The following TMEM8B variants were observed in gnomAD, a reference collection of about 807,000 sequenced individuals.
TMEM8B encodes nasopharyngeal carcinoma expressed 6.
In TMEM8B, 29 loss-of-function variants were observed where a neutral mutation model predicts 49.3. The ratio of observed to expected loss-of-function variants is 0.59; its 90% CI spans 0.44 to 0.80. The LOEUF (loss-of-function observed/expected upper bound fraction) is 0.80, where lower values mean the gene tolerates loss of function less well. TMEM8B is among the 30% of genes least tolerant of loss of function. The probability of loss-of-function intolerance (pLI) is 0.00; values close to 1 mark genes in which losing one functional copy is unlikely to be tolerated. For missense variants in TMEM8B, 575 were observed against 658.5 expected (o/e 0.87, Z 1.39); for synonymous variants, 264 against 272.8 (o/e 0.97, Z 0.32).
Position 35,846,467 on chromosome 9 carries a change from A to G in TMEM8B, c.1854-2A>G. ...CCCAGGTGACTGCGAGTTTGTGCGC[A>G]GGTTCGTGCGGTGCCGCAACGCGAC... On this transcript the variant is annotated splice_acceptor_variant, in intron 8 of 12. Coordinates refer to ENST00000643932, the MANE Select transcript of TMEM8B (RefSeq NM_001042590.4). LOFTEE classifies it high-confidence loss of function. 6.3e-7 allele frequency: 1 copy of G among 1,598,896 alleles called. No homozygotes were observed. The highest frequency in any genetic ancestry group is 8.5e-7 in the Non-Finnish European group (1 of 1,172,544).
Position 35,834,871 on chromosome 9 carries a change from A to G in TMEM8B, c.699-140A>G, listed in dbSNP as rs969414420. 7 of 413,258 alleles carry G rather than the reference A, an allele frequency of 1.7e-5. No individual in the cohort carries two copies. The East Asian group carries it at 1.8e-4, about 11-fold the overall frequency. The allele number at this position is 413,258 out of a possible 1,614,324, so 25.6% of individuals were successfully genotyped here. A position where few individuals can be genotyped will look rare whatever the true frequency, so the allele number is the denominator to read the frequency against. On this transcript the variant is annotated intron_variant, in intron 2 of 12. Coordinates refer to ENST00000643932, the MANE Select transcript of TMEM8B (RefSeq NM_001042590.4). Reference sequence around the variant, plus strand: ...CTCTCACCTGTGGCCCCTGACCTGGAACCACTTTGTTGAATGTGTCAGTAT... The same window carrying G: ...CTCTCACCTGTGGCCCCTGACCTGGGACCACTTTGTTGAATGTGTCAGTAT...
chr9:35,841,085 C>T lies in TMEM8B; in HGVS notation c.907-49C>T. ...CAGGTTCTGTTTGCCTTGGTTTAGT[C>T]ACACCCCTGCTGTCTCTCCCTCTCC... is the stretch of plus-strand genomic sequence containing the variant. On this transcript the variant is annotated intron_variant, in intron 3 of 12. Transcript: ENST00000643932. The surrounding 1 kb of genome is among the most constrained non-coding windows in gnomAD (Gnocchi z 5.9). 2.4e-6 allele frequency: 1 copy of T among 414,760 alleles called. No individual in the cohort carries two copies. The allele number at this position is 414,760 out of a possible 1,614,324, so 25.7% of individuals were successfully genotyped here. A position where few individuals can be genotyped will look rare whatever the true frequency, so the allele number is the denominator to read the frequency against.
At chr9:35,852,411 G>A (rs557920101) in intron 10 of TMEM8B, among the ~76,000 whole-genome samples, 19 of 152,146 alleles carry the variant, frequency 1.2e-4, no homozygotes, top group Non-Finnish European at 2.5e-4. Flanking sequence ...GGGGAAACTG[G>A]GACATAGTGG....
rs1351119217 is a variant in TMEM8B, at chr9:35,861,720, C to A, written c.*7880C>A. ...GGGATGCTATGTAGCTCAGAGGAAA[C>A]ATACACCTGAAGGTGCTGCCCCGGG... On this transcript the variant is annotated 3_prime_UTR_variant, in exon 13 of 13. Coordinates refer to ENST00000643932, the MANE Select transcript of TMEM8B (RefSeq NM_001042590.4). 1 of 152,302 alleles carries A rather than the reference C, an allele frequency of 6.6e-6. No homozygotes were observed. Among genetic ancestry groups the A allele is most frequent in the Non-Finnish European group, 1.5e-5 (1 of 68,088 alleles). 9.4% of individuals were successfully genotyped at this position (152,302 alleles called of 1,614,324 possible).
rs573908438 is a variant in TMEM8B, at chr9:35,846,876, C to T, written c.2056C>T (p.Leu686=). 12 of 1,614,252 alleles carry T rather than the reference C, an allele frequency of 7.4e-6. No individual in the cohort carries two copies. The Admixed American group carries it at 1.0e-4, about 13-fold the overall frequency. The part of the protein sequence containing the change: ...ADALTYGFQL[L]STLLLCLSNL... ...TGCGCTCACCTATGGATTCCAGCTG[C>T]TGTCCACACTCCTGCTCTGCCTGAG... Residue 686 remains leucine, a synonymous_variant, in exon 10 of 13, where the codon CTG becomes TTG. Transcript: ENST00000643932.
Position 35,859,172 on chromosome 9 carries a change from G to A in TMEM8B, c.*5332G>A, listed in dbSNP as rs1430139854. The A allele has an allele frequency of 1.9e-5, 3 of 154,452 alleles. No individual in the cohort carries two copies. Among genetic ancestry groups the A allele is most frequent in the African/African-American group, 4.8e-5 (2 of 41,592 alleles). The allele number at this position is 154,452 out of a possible 1,614,324, so 9.6% of individuals were successfully genotyped here. On this transcript the variant is annotated 3_prime_UTR_variant, in exon 13 of 13. Transcript: ENST00000643932. ...GCGTCACAACCCCGTAGAACAATGCGACAGTCTTATCCACGTTGGGATCCT... is the reference window on the plus strand; with the variant it reads ...GCGTCACAACCCCGTAGAACAATGCAACAGTCTTATCCACGTTGGGATCCT...
Position 35,853,587 on chromosome 9 carries a change from T to C in TMEM8B, c.2522T>C (p.Ile841Thr), listed in dbSNP as rs1028658644. 4.3e-6 allele frequency: 7 copies of C among 1,614,140 alleles called. No homozygotes were observed. The African/African-American group carries it at 5.3e-5, about 12-fold the overall frequency. Residue 841 changes from isoleucine to threonine, a missense_variant, in exon 13 of 13, where the codon ATT becomes ACT. Coordinates refer to ENST00000643932, the MANE Select transcript of TMEM8B (RefSeq NM_001042590.4). The surrounding 1 kb of genome is among the most constrained non-coding windows in gnomAD (Gnocchi z 4.2). Reference sequence around the variant, plus strand: ...TTCTACTTGTGCCCTGGCAGCCTTATTGCAGGCAGTGCCGTCCTGCTTTAT... The same window carrying C: ...TTCTACTTGTGCCCTGGCAGCCTTACTGCAGGCAGTGCCGTCCTGCTTTAT... ...WLFYLCPGSLIAGSAVLLYAF... is the reference protein window; with the variant it reads ...WLFYLCPGSLTAGSAVLLYAF...
In TMEM8B at chr9:35,864,245, T is replaced by G. The variant is rs1203325153; in HGVS notation, c.*10405T>G. 6.6e-6 allele frequency: 1 copy of G among 152,256 alleles called. No homozygotes were observed. Among genetic ancestry groups the G allele is most frequent in the South Asian group, 2.1e-4 (1 of 4,836 alleles). 9.4% of individuals were successfully genotyped at this position (152,256 alleles called of 1,614,324 possible). A position where few individuals can be genotyped will look rare whatever the true frequency, so the allele number is the denominator to read the frequency against. On this transcript the variant is annotated 3_prime_UTR_variant, in exon 13 of 13. Coordinates refer to ENST00000643932, the MANE Select transcript of TMEM8B (RefSeq NM_001042590.4). Reference sequence around the variant, plus strand: ...TAGCAACTTCCAACCTGAGGTCTGATAGACCCAGGGTTACTTTGCAAGCTA... The same window carrying G: ...TAGCAACTTCCAACCTGAGGTCTGAGAGACCCAGGGTTACTTTGCAAGCTA...
At position 35,855,399 on chromosome 9, in the gene TMEM8B, C is replaced by G. The variant is rs1832486200; in HGVS notation, c.*1559C>G. ...CCTTACTTAATGTTTTCTCCTGAAT[C>G]TTTTTTTTTTTGAGACGGAGTTTTG... On this transcript the variant is annotated 3_prime_UTR_variant, in exon 13 of 13. Coordinates refer to ENST00000643932, the MANE Select transcript of TMEM8B (RefSeq NM_001042590.4). 1 of 147,442 alleles carries G rather than the reference C, an allele frequency of 6.8e-6. No homozygotes were observed. The highest frequency in any genetic ancestry group is 1.5e-5 in the Non-Finnish European group (1 of 66,404). 9.1% of individuals were successfully genotyped at this position (147,442 alleles called of 1,614,324 possible).
chr9:35,837,715 A>G (rs1830574079), intron 3 of TMEM8B, among the ~76,000 whole-genome samples: 1 of 152,218 alleles, frequency 6.6e-6, no homozygotes, highest in Non-Finnish European at 1.5e-5. Context: ...CCTAGCCTCC[A>G]GTGCAGAGTC....
rs1032261763 is a variant in TMEM8B at position 35,846,372 on chromosome 9, TG to T, written c.1848del (p.Pro617LeufsTer77). The stretch of plus-strand genomic sequence containing the variant: ...CTGGCCCTCCGCTCCCTGTGCGGGG[TG>T]GGGCCTCGGTGAGCGGTGCGGGGCG... ...WFLALRSLCG[V>X]GPRFVRCRNA... On this transcript the variant is annotated frameshift_variant, in exon 8 of 13. Transcript: ENST00000643932. LOFTEE classifies it high-confidence loss of function. 1.2e-6 allele frequency: 2 copies of T among 1,612,798 alleles called. No homozygotes were observed. The highest frequency in any genetic ancestry group is 1.3e-5 in the African/African-American group (1 of 74,876).
rs996518900 is a variant in TMEM8B, at chr9:35,846,570, G to A, written c.1955G>A (p.Arg652His). 9 of 1,572,978 alleles carry A rather than the reference G, an allele frequency of 5.7e-6. No homozygotes were observed. The highest frequency in any genetic ancestry group is 7.8e-6 in the Non-Finnish European group (9 of 1,159,098). ...CGPYGQCKLL[R>H]THNYLYAACE... is the part of the protein sequence containing the mutation. Reference sequence around the variant, plus strand: ...CCCTACGGCCAGTGCAAGCTGCTGCGCACACACAATTATCTGTACGCAGCC... The same window carrying A: ...CCCTACGGCCAGTGCAAGCTGCTGCACACACACAATTATCTGTACGCAGCC... The change falls in exon 9 of 13, where the codon CGC becomes CAC. Residue 652 changes from arginine to histidine, a missense_variant. By Grantham distance (29) the Arg-to-His change is conservative. Coordinates refer to ENST00000643932, the MANE Select transcript of TMEM8B (RefSeq NM_001042590.4).
chr9:35,837,450 T>G (rs1416690383), intron 3 of TMEM8B, among the ~76,000 whole-genome samples: 1 of 152,032 alleles, frequency 6.6e-6, no homozygotes, highest in African/African-American at 2.4e-5. Context: ...TTCCAGGTGG[T>G]GGGAGTAGCA....
At chr9:35,834,176 G>T (rs1429511145) in intron 1 of TMEM8B, among the ~76,000 whole-genome samples, 7 of 152,220 alleles carry the variant, frequency 4.6e-5, no homozygotes, top group South Asian at 4.1e-4. Flanking sequence ...TTTAGAGAGA[G>T]CTAGGTTTGC....
rs759740630 is a variant in TMEM8B at position 35,858,866 on chromosome 9, T to G, written c.*5026T>G. ...GTTCCCAATGGTAGCTGTTTTGTCA[T>G]CCTGAGTCCCAGAGGGGTGAAGACC... On this transcript the variant is annotated 3_prime_UTR_variant, in exon 13 of 13. Coordinates refer to ENST00000643932, the MANE Select transcript of TMEM8B (RefSeq NM_001042590.4). 6.6e-6 allele frequency: 1 copy of G among 152,368 alleles called. No homozygotes were observed. The highest frequency in any genetic ancestry group is 3.4e-3 in the Middle Eastern group (1 of 294). 9.4% of individuals were successfully genotyped at this position (152,368 alleles called of 1,614,324 possible). A position where few individuals can be genotyped will look rare whatever the true frequency, so the allele number is the denominator to read the frequency against.
At chr9:35,846,407 G>T (rs1036185694) in intron 8 of TMEM8B, 26 bp downstream of exon 8, 4 of 1,604,472 alleles carry the variant, frequency 2.5e-6, no homozygotes, top group African/African-American at 2.7e-5. Context: ...CGGGGCCAGG[G>T]CTGGGACCGG....
rs1448198940 is a variant in TMEM8B at position 35,857,670 on chromosome 9, AG to A, written c.*3832del. On this transcript the variant is annotated 3_prime_UTR_variant, in exon 13 of 13. Transcript: ENST00000643932. ...GATCAGAAGAGTGATGAATCAATCC[AG>A]GTTTGACCAAAGTAACAGAACCACT... 6.6e-6 allele frequency: 1 copy of A among 152,254 alleles called. No homozygotes were observed. The highest frequency in any genetic ancestry group is 2.4e-5 in the African/African-American group (1 of 41,452). 9.4% of individuals were successfully genotyped at this position (152,254 alleles called of 1,614,324 possible).
Position 35,842,785 on chromosome 9 carries a change from T to C in TMEM8B, c.1635+68T>C. 1.3e-6 allele frequency: 2 copies of C among 1,492,028 alleles called. No individual in the cohort carries two copies. The highest frequency in any genetic ancestry group is 1.8e-6 in the Non-Finnish European group (2 of 1,116,114). The allele number at this position is 1,492,028 out of a possible 1,614,324, so 92.4% of individuals were successfully genotyped here. A position where few individuals can be genotyped will look rare whatever the true frequency, so the allele number is the denominator to read the frequency against. On this transcript the variant is annotated intron_variant, in intron 6 of 12. Transcript: ENST00000643932. This position sits in a 1 kb window ranked among gnomAD's most constrained non-coding sequence, Gnocchi z 5.6. ...TTGAAGGGGAAGGTGTCAGGGGTGT[T>C]GGGGTGTTTACCTCCTCCAGGAAGC...
At position 35,859,326 on chromosome 9, in the gene TMEM8B, A is replaced by G. The variant is rs912673591; in HGVS notation, c.*5486A>G. On this transcript the variant is annotated 3_prime_UTR_variant, in exon 13 of 13. Coordinates refer to ENST00000643932, the MANE Select transcript of TMEM8B (RefSeq NM_001042590.4). ...AGAGGGTACCCTAAGGATGGCAGACAGGATGAAAAGGTAAGACAGGCAGAT... is the reference window on the plus strand; with the variant it reads ...AGAGGGTACCCTAAGGATGGCAGACGGGATGAAAAGGTAAGACAGGCAGAT... 1 of 154,678 alleles carries G rather than the reference A, an allele frequency of 6.5e-6. No individual in the cohort carries two copies. Among genetic ancestry groups the G allele is most frequent in the African/African-American group, 2.4e-5 (1 of 41,538 alleles). 9.6% of individuals were successfully genotyped at this position (154,678 alleles called of 1,614,324 possible).
Sources: allele counts gnomAD v4.1 joint callset (sites outside exome capture counted in the v4.1 genomes callset), GRCh38; gene constraint gnomAD v4.1.1; non-coding constraint Gnocchi (gnomAD v3.1); transcripts MANE v1.5; gene names NCBI Gene and HGNC (gene_info 2026-07-23, HGNC 2026-07-21).